Variants in MUC13 observed in about 807,000 individuals in gnomAD.
The protein encoded by MUC13 is mucin 13, cell surface associated.
A neutral mutation model predicts 48.3 loss-of-function variants in MUC13; 32 were observed. The ratio of observed to expected loss-of-function variants is 0.66; its 90% CI spans 0.50 to 0.89. The LOEUF (loss-of-function observed/expected upper bound fraction) is 0.89. MUC13 is among the 40% of genes least tolerant of loss of function. The probability of loss-of-function intolerance (pLI) is 0.00; values close to 1 mark genes in which losing one functional copy is unlikely to be tolerated. For synonymous variants in MUC13, 199 were observed against 224.9 expected (o/e 0.88, Z 1.03); for missense variants, 571 against 622.8 (o/e 0.92, Z 0.88).
At chr3:124,920,328 T>G in intron 4 of MUC13, 39 bp from the exon 5 acceptor site, 1 of 1,490,080 alleles carries the variant, frequency 6.7e-7, no homozygotes, top group Non-Finnish European at 9.1e-7. Context: ...GTAAAAAAAA[T>G]TTTTTTTTCA....
chr3:124,928,510 C>A (rs1935735161), intron 1 of MUC13, among the ~76,000 whole-genome samples: 2 of 152,124 alleles, frequency 1.3e-5, no homozygotes, highest in Non-Finnish European at 2.9e-5. Context: ...TCCCAAATAG[C>A]TAGGACTACA....
rs1935610096 is a variant in MUC13 at position 124,922,249 on chromosome 3, T to G, written c.692A>C (p.Glu231Ala). ...SVTVSETFDP[E>A]EKHSMAYQDL... Reference sequence around the variant, plus strand: ...TTGATAGGCCATGGAATGTTTCTCTTCTGGGTCAAATGTTTCTGATACTGT... The same window carrying G: ...TTGATAGGCCATGGAATGTTTCTCTGCTGGGTCAAATGTTTCTGATACTGT... The change falls in exon 4 of 12, where the codon GAA (glutamate) becomes GCA (alanine). Residue 231 changes from glutamate (E) to alanine (A), a missense_variant. Transcript: ENST00000616727. 1 of 1,614,076 alleles carries G rather than the reference T, an allele frequency of 6.2e-7. No individual in the cohort carries two copies. The highest frequency in any genetic ancestry group is 1.3e-5 in the African/African-American group (1 of 74,938).
At chr3:124,908,653 G>A (rs1001941399) in intron 10 of MUC13, among the ~76,000 whole-genome samples, 2 of 152,178 alleles carry the variant, frequency 1.3e-5, no homozygotes, top group African/African-American at 2.4e-5. Flanking sequence ...TTTATTCAGT[G>A]TAGGTTTCCT....
At chr3:124,928,082 CT>C (rs56396479) in intron 1 of MUC13, 89 bp from the exon 2 acceptor site, 85,578 of 701,998 alleles carry the variant, frequency 0.12, 3 homozygotes, top group East Asian at 0.2. Flanking sequence ...CCAACTCATT[CT>C]TTTTTTTTTT....
At chr3:124,931,600 T>G (rs1935799174) in intron 1 of MUC13, among the ~76,000 whole-genome samples, 1 of 150,414 alleles carries the variant, frequency 6.6e-6, no homozygotes. Context: ...ATGCAAAAAT[T>G]AGCTGGGCGT....
intron 1 of MUC13, 87 bp from the exon 2 acceptor site, chr3:124,928,080 T>TTA: frequency 9.7e-5 from 93 of 957,074 alleles, no homozygotes; most frequent in Non-Finnish European, 1.3e-4. Flanking sequence ...ATCCAACTCA[T>TTA]TCTTTTTTTT....
At chr3:124,907,257 T>C (rs1203758176) in intron 11 of MUC13, among the ~76,000 whole-genome samples, 1 of 152,174 alleles carries the variant, frequency 6.6e-6, no homozygotes, top group Non-Finnish European at 1.5e-5. Context: ...TTCTCCTGCT[T>C]CAGGCTCCCA....
chr3:124,921,947 C>T (rs1013208860), intron 4 of MUC13, among the ~76,000 whole-genome samples: 54 of 152,226 alleles, frequency 3.5e-4, no homozygotes, highest in African/African-American at 1.1e-3. Flanking sequence ...CCAGGTGCCA[C>T]GCCTCCAGGT....
chr3:124,926,813 G>GT (rs1935695764), intron 2 of MUC13, among the ~76,000 whole-genome samples: 1 of 152,212 alleles, frequency 6.6e-6, no homozygotes. Context: ...GAGTGCAGGA[G>GT]TTACAACAGA....
At chr3:124,927,492 C>T (rs778372025) in intron 2 of MUC13, 40 bp downstream of exon 2, 16 of 1,584,764 alleles carry the variant, frequency 1.0e-5, no homozygotes, top group African/African-American at 5.4e-5. Context: ...CACAATTGTA[C>T]TCTCCATCCT....
intron 2 of MUC13, among the ~76,000 whole-genome samples, chr3:124,927,169 CTG>C (rs1560000921): frequency 1.3e-5 from 2 of 152,132 alleles, no homozygotes; most frequent in African/African-American, 4.8e-5. Flanking sequence ...GCTGGACAGT[CTG>C]TGCTTATTTG....
intron 2 of MUC13, among the ~76,000 whole-genome samples, chr3:124,926,383 T>C (rs1022325904): frequency 6.6e-6 from 1 of 152,194 alleles, no homozygotes; most frequent in Non-Finnish European, 1.5e-5. Flanking sequence ...AGGGAACACC[T>C]GGCGAAGCAG....
intron 1 of MUC13, among the ~76,000 whole-genome samples, chr3:124,933,342 T>G (rs1272043771): frequency 6.6e-6 from 1 of 152,214 alleles, no homozygotes; most frequent in Non-Finnish European, 1.5e-5. Context: ...CATGATATAA[T>G]GAGTATTTTA....
intron 4 of MUC13, among the ~76,000 whole-genome samples, chr3:124,921,920 C>T (rs1935601380): frequency 6.6e-6 from 1 of 152,210 alleles, no homozygotes; most frequent in Non-Finnish European, 1.5e-5. Context: ...CTTCTGCAGG[C>T]CCTCTGCCAT....
chr3:124,910,342 T>C, intron 10 of MUC13, 73 bp downstream of exon 10: 1 of 1,559,440 alleles, frequency 6.4e-7, no homozygotes, highest in Non-Finnish European at 8.7e-7. Context: ...GAGACCAACA[T>C]GGGCAACATA....
At chr3:124,927,451 C>A (rs1303867058) in intron 2 of MUC13, 81 bp downstream of exon 2, 1 of 1,372,660 alleles carries the variant, frequency 7.3e-7, no homozygotes, top group Non-Finnish European at 1.0e-6. Flanking sequence ...CATTTTCCTA[C>A]CCCACCAGAA....
Position 124,927,413 on chromosome 3 carries a change from C to T in MUC13, c.514+119G>A, listed in dbSNP as rs138763820. On this transcript the variant is annotated intron_variant, in intron 2 of 11. Coordinates refer to ENST00000616727, the MANE Select transcript of MUC13 (RefSeq NM_033049.4). ...CAGATTTCAAGCCCACAGTTCATTT[C>T]CAAAGAAACCTTGGGCCTCTTTAGA... The T allele has an allele frequency of 2.4e-5, 22 of 905,362 alleles. No homozygotes were observed. The East Asian group carries it at 5.5e-4, about 23-fold the overall frequency. The allele number at this position is 905,362 out of a possible 1,614,324, so 56.1% of individuals were successfully genotyped here. A position where few individuals can be genotyped will look rare whatever the true frequency, so the allele number is the denominator to read the frequency against.
intron 2 of MUC13, among the ~76,000 whole-genome samples, chr3:124,927,164 A>G (rs1935703192): frequency 6.6e-6 from 1 of 152,214 alleles, no homozygotes. Context: ...GTGGTGCTGG[A>G]CAGTCTGTGC....
At chr3:124,919,499 G>T (rs979943908) in intron 5 of MUC13, among the ~76,000 whole-genome samples, 1 of 151,870 alleles carries the variant, frequency 6.6e-6, no homozygotes, top group Non-Finnish European at 1.5e-5. Context: ...CTTCACAAAG[G>T]ATTTGATATG....
Sources: gnomAD v4.1 joint callset for allele counts (sites outside exome capture counted in the v4.1 genomes callset) on GRCh38, gnomAD v4.1.1 for gene constraint, MANE v1.5 for transcripts, NCBI Gene and HGNC (gene_info 2026-07-23, HGNC 2026-07-21) for gene names.